The following NEMP2 variants were observed in gnomAD, a reference collection of about 807,000 sequenced individuals.
The protein encoded by NEMP2 is UPF0571 transmembrane protein.
Under a neutral mutation model 54.2 loss-of-function variants are expected in NEMP2, and 53 were observed. The ratio of observed to expected loss-of-function variants is 0.98; its 90% CI spans 0.78 to 1.23. NEMP2 has a LOEUF of 1.23. Ranked by LOEUF, NEMP2 falls within the 50% of genes most tolerant of loss-of-function variation. NEMP2 has a pLI of 0.00. For missense variants in NEMP2, 455 were observed against 511.3 expected, an observed-to-expected ratio of 0.89 and a Z score of 1.06; for synonymous variants, 197 against 190.3, an observed-to-expected ratio of 1.04 and a Z score of -0.29.
the NEMP2 span, chr2:190,464,964 A>G: frequency 2.0e-5 from 19 of 943,222 alleles, no homozygotes; most frequent in East Asian, 1.0e-3. Flanking sequence ...TTAGAAAAGT[A>G]GGGTCTCACA....
chr2:190,614,705 C>T, the NEMP2 span, among the ~76,000 whole-genome samples: 1 of 152,178 alleles, frequency 6.6e-6, no homozygotes, highest in South Asian at 2.1e-4. This position sits in a 1 kb window ranked among gnomAD's most constrained non-coding sequence, Gnocchi z 5.7. Flanking sequence ...AGGGGGAGTG[C>T]ATTTAGGCAA....
At chr2:190,571,634 G>A in the NEMP2 span, among the ~76,000 whole-genome samples, 3 of 152,022 alleles carry the variant, frequency 2.0e-5, no homozygotes, top group Non-Finnish European at 4.4e-5. Flanking sequence ...CGAATTTCCA[G>A]GTATGCAGTA....
chr2:190,566,644 G>A, the NEMP2 span, among the ~76,000 whole-genome samples: 1,090 of 149,708 alleles, frequency 7.3e-3, 14 homozygotes, highest in South Asian at 0.012. Context: ...GGGAAGGGAG[G>A]GGAGGGGAGG....
chr2:190,490,577 A>T, the NEMP2 span, among the ~76,000 whole-genome samples: 1 of 151,918 alleles, frequency 6.6e-6, no homozygotes, highest in Non-Finnish European at 1.5e-5. This position sits in a 1 kb window ranked among gnomAD's most constrained non-coding sequence, Gnocchi z 4.5. Context: ...AAAAAACAAA[A>T]AACAAAGACA....
At chr2:190,437,577 C>A in the NEMP2 span, 1 of 1,601,078 alleles carries the variant, frequency 6.2e-7, no homozygotes, top group Non-Finnish European at 8.5e-7. This position sits in a 1 kb window ranked among gnomAD's most constrained non-coding sequence, Gnocchi z 5.9. Context: ...AACATGCTTA[C>A]GATTGCTGCC....
chr2:190,551,349 T>C, the NEMP2 span, among the ~76,000 whole-genome samples: 1 of 151,896 alleles, frequency 6.6e-6, no homozygotes, highest in African/African-American at 2.4e-5. Flanking sequence ...ATGGTTTTAA[T>C]CTTTTTCTTT....
At chr2:190,626,372 A>G in the NEMP2 span, 1 of 152,186 alleles carries the variant, frequency 6.6e-6, no homozygotes, top group South Asian at 2.1e-4. This position sits in a 1 kb window ranked among gnomAD's most constrained non-coding sequence, Gnocchi z 4.5. Flanking sequence ...AGTTAAAATG[A>G]ATAACAAATG....
At chr2:190,422,061 T>G in the NEMP2 span, among the ~76,000 whole-genome samples, 1 of 152,240 alleles carries the variant, frequency 6.6e-6, no homozygotes, top group East Asian at 1.9e-4. Context: ...TGTATGACTG[T>G]GTAATCATAA....
chr2:190,485,938 GGACT>G, the NEMP2 span, among the ~76,000 whole-genome samples: 1 of 152,112 alleles, frequency 6.6e-6, no homozygotes, highest in Admixed American at 6.5e-5. This position sits in a 1 kb window ranked among gnomAD's most constrained non-coding sequence, Gnocchi z 5.1. Flanking sequence ...ATTCCATTAT[GGACT>G]GACTTAAGTA....
the NEMP2 span, among the ~76,000 whole-genome samples, chr2:190,572,214 G>T: frequency 6.6e-6 from 1 of 151,946 alleles, no homozygotes; most frequent in Admixed American, 6.6e-5. Flanking sequence ...TATTTTCTCA[G>T]CTTTTTTAAA....
chr2:190,441,488 G>A, the NEMP2 span, among the ~76,000 whole-genome samples: 680 of 149,154 alleles, frequency 4.6e-3, 11 homozygotes, highest in African/African-American at 0.016. Context: ...AGGGGCGGGG[G>A]TTGGGGGGAA....
downstream of NEMP2, chr2:190,499,882 T>C: frequency 6.4e-7 from 1 of 1,557,724 alleles, no homozygotes; most frequent in Non-Finnish European, 8.7e-7. The surrounding 1 kb of genome is among the most constrained non-coding windows in gnomAD (Gnocchi z 6.0). Flanking sequence ...CTTATTCCTC[T>C]ATTACTTGGT....
Position 190,509,156 on chromosome 2 carries a change from T to C in NEMP2, c.*33A>G. On this transcript the variant is annotated 3_prime_UTR_variant, in exon 9 of 9. Coordinates refer to ENST00000409150, the MANE Select transcript of NEMP2 (RefSeq NM_001142645.2). The surrounding 1 kb of genome is among the most constrained non-coding windows in gnomAD (Gnocchi z 6.1). ...AATCCCTGCCCTTTGCCCACTTCCT[T>C]GTCCAGAATGAAGTCAACTTGAAGG... 1 of 1,550,894 alleles carries C rather than the reference T, an allele frequency of 6.4e-7. No individual in the cohort carries two copies. The highest frequency in any genetic ancestry group is 8.7e-7 in the Non-Finnish European group (1 of 1,146,612).
chr2:190,455,158 A>G, the NEMP2 span, among the ~76,000 whole-genome samples: 1 of 152,088 alleles, frequency 6.6e-6, no homozygotes, highest in East Asian at 1.9e-4. Flanking sequence ...TTTTGTATAC[A>G]TTAGACACTA....
At chr2:190,516,023 C>G (rs542040171) in intron 6 of NEMP2, among the ~76,000 whole-genome samples, 1 of 151,880 alleles carries the variant, frequency 6.6e-6, no homozygotes, top group African/African-American at 2.4e-5. Context: ...CTTTTTTTTC[C>G]TCTTTTGATC....
the NEMP2 span, among the ~76,000 whole-genome samples, chr2:190,599,818 AG>A: frequency 6.6e-6 from 1 of 152,164 alleles, no homozygotes; most frequent in African/African-American, 2.4e-5. Flanking sequence ...ACTGTCCCTT[AG>A]GCAAGTCATC....
At chr2:190,446,901 G>A in the NEMP2 span, among the ~76,000 whole-genome samples, 8 of 152,122 alleles carry the variant, frequency 5.3e-5, no homozygotes, top group Non-Finnish European at 1.0e-4. Flanking sequence ...CAGGGGTGAG[G>A]GACTTAGGGA....
chr2:190,593,897 T>C, the NEMP2 span, among the ~76,000 whole-genome samples: 2 of 152,218 alleles, frequency 1.3e-5, no homozygotes, highest in African/African-American at 4.8e-5. The surrounding 1 kb of genome is among the most constrained non-coding windows in gnomAD (Gnocchi z 4.5). Flanking sequence ...CTGCCTATAC[T>C]CTTGTTTCCC....
At chr2:190,644,050 C>T in the NEMP2 span, among the ~76,000 whole-genome samples, 1 of 152,126 alleles carries the variant, frequency 6.6e-6, no homozygotes, top group South Asian at 2.1e-4. The surrounding 1 kb of genome is among the most constrained non-coding windows in gnomAD (Gnocchi z 4.4). Context: ...CATAATGAAT[C>T]TCATTTGCCT....
Sources: allele counts gnomAD v4.1 joint callset (sites outside exome capture counted in the v4.1 genomes callset), GRCh38; gene constraint gnomAD v4.1.1; non-coding constraint Gnocchi (gnomAD v3.1); transcripts MANE v1.5; gene names NCBI Gene and HGNC (gene_info 2026-07-23, HGNC 2026-07-21).